The following LHFPL6 variants were observed in gnomAD, a reference collection of about 807,000 sequenced individuals.
The protein encoded by LHFPL6 is LHFPL tetraspan subfamily member 6.
Under a neutral mutation model 20.6 loss-of-function variants are expected in LHFPL6, and 9 were observed. The ratio of observed to expected loss-of-function variants is 0.44; its 90% CI spans 0.26 to 0.76. The LOEUF (loss-of-function observed/expected upper bound fraction) is 0.76, where lower values mean the gene tolerates loss of function less well. Ranked by LOEUF, LHFPL6 falls within the 30% of genes least tolerant of loss-of-function variation. The pLI, the probability that LHFPL6 is intolerant of heterozygous loss-of-function variation, is 0.20. For missense variants in LHFPL6, 218 were observed against 253.5 expected (o/e 0.86, Z 0.95); for synonymous variants, 105 against 98.7 (o/e 1.06, Z -0.38).
chr13:39,601,251 AG>A lies in LHFPL6; in HGVS notation c.-36del, dbSNP rs1872937517. ...GATAGGGCAATGAGGACCCCAAGTA[AG>A]TGTTCAGGGACTGCAGGAGTGAATG... is the stretch of plus-strand genomic sequence containing the variant. On this transcript the variant is annotated 5_prime_UTR_variant, in exon 2 of 4. An upstream open reading frame in the 5' UTR gains an earlier in-frame stop. Coordinates refer to ENST00000379589, the MANE Select transcript of LHFPL6 (RefSeq NM_005780.3). The A allele has an allele frequency of 1.3e-6, 2 of 1,575,008 alleles. No homozygotes were observed. Among genetic ancestry groups the A allele is most frequent in the African/African-American group, 1.3e-5 (1 of 74,124 alleles).
chr13:39,403,742 G>A (rs1392554501), intron 2 of LHFPL6, among the ~76,000 whole-genome samples: 3 of 152,186 alleles, frequency 2.0e-5, no homozygotes, highest in African/African-American at 7.2e-5. Context: ...TTCATTAGGT[G>A]ATGTTTAAGA....
chr13:39,501,881 T>C (rs564109915), intron 2 of LHFPL6, among the ~76,000 whole-genome samples: 1 of 152,300 alleles, frequency 6.6e-6, no homozygotes, highest in African/African-American at 2.4e-5. Flanking sequence ...TTAACATTTT[T>C]TCCATGCTTC....
At chr13:39,592,094 C>G (rs572238289) in intron 2 of LHFPL6, among the ~76,000 whole-genome samples, 1 of 148,382 alleles carries the variant, frequency 6.7e-6, no homozygotes, top group African/African-American at 2.5e-5. Context: ...AAAACTCCGT[C>G]TCAAAAAAAA....
chr13:39,355,424 C>T (rs1303265333), intron 3 of LHFPL6, among the ~76,000 whole-genome samples: 3 of 152,034 alleles, frequency 2.0e-5, no homozygotes, highest in African/African-American at 7.2e-5. Context: ...TACCTGATAC[C>T]ACAAAAACAC....
intron 3 of LHFPL6, among the ~76,000 whole-genome samples, chr13:39,369,321 T>C (rs1211017938): frequency 6.6e-6 from 1 of 152,086 alleles, no homozygotes; most frequent in Non-Finnish European, 1.5e-5. Flanking sequence ...TGATCCACAC[T>C]GAAATAACCA....
chr13:39,400,234 C>A (rs1481371815), intron 2 of LHFPL6, among the ~76,000 whole-genome samples: 1 of 152,174 alleles, frequency 6.6e-6, no homozygotes, highest in South Asian at 2.1e-4. Flanking sequence ...ACCTTCACTG[C>A]AAATTGGTAT....
intron 2 of LHFPL6, among the ~76,000 whole-genome samples, chr13:39,559,433 A>C (rs1871403824): frequency 6.6e-6 from 1 of 152,216 alleles, no homozygotes; most frequent in Non-Finnish European, 1.5e-5. Flanking sequence ...TAATATCCAA[A>C]GTAGGGCACA....
At chr13:39,390,717 G>A (rs760628318) in intron 2 of LHFPL6, among the ~76,000 whole-genome samples, 13 of 152,060 alleles carry the variant, frequency 8.5e-5, no homozygotes, top group East Asian at 1.9e-4. Flanking sequence ...ATCCAAGGCC[G>A]GGTGCAGAGG....
intron 2 of LHFPL6, among the ~76,000 whole-genome samples, chr13:39,502,416 C>T (rs537033976): frequency 2.6e-5 from 4 of 151,002 alleles, no homozygotes; most frequent in Non-Finnish European, 2.9e-5. Context: ...CCCAGGAGTT[C>T]GAGACCAGCC....
intron 2 of LHFPL6, among the ~76,000 whole-genome samples, chr13:39,599,075 C>T (rs1872852263): frequency 6.6e-6 from 1 of 152,086 alleles, no homozygotes; most frequent in Non-Finnish European, 1.5e-5. Flanking sequence ...CCATAAATCT[C>T]ATGGGTCTCA....
At chr13:39,501,747 G>A (rs1182772534) in intron 2 of LHFPL6, among the ~76,000 whole-genome samples, 1 of 152,154 alleles carries the variant, frequency 6.6e-6, no homozygotes, top group Non-Finnish European at 1.5e-5. Context: ...TGCTCTTAGT[G>A]TGGTCATGGA....
chr13:39,527,073 T>C (rs1026206913), intron 2 of LHFPL6, among the ~76,000 whole-genome samples: 2 of 152,228 alleles, frequency 1.3e-5, no homozygotes, highest in Admixed American at 6.5e-5. Context: ...ACTCCGTCTC[T>C]GTAAGTGCTG....
At chr13:39,450,594 T>G (rs1270507905) in intron 2 of LHFPL6, among the ~76,000 whole-genome samples, 15 of 152,152 alleles carry the variant, frequency 9.9e-5, no homozygotes. Context: ...TTCTAAGAAC[T>G]TCAAGCTGAT....
intron 2 of LHFPL6, among the ~76,000 whole-genome samples, chr13:39,399,112 T>A (rs1870917257): frequency 6.6e-6 from 1 of 152,190 alleles, no homozygotes; most frequent in Non-Finnish European, 1.5e-5. Flanking sequence ...GTTTTAAAAA[T>A]CCTATGGTTA....
chr13:39,547,649 C>A (rs1229299071), intron 2 of LHFPL6, among the ~76,000 whole-genome samples: 1 of 152,132 alleles, frequency 6.6e-6, no homozygotes, highest in Non-Finnish European at 1.5e-5. Context: ...TTCTGTGCTG[C>A]ATGCTGCTAA....
intron 2 of LHFPL6, among the ~76,000 whole-genome samples, chr13:39,591,499 A>G (rs1277999100): frequency 6.6e-6 from 1 of 152,226 alleles, no homozygotes. Flanking sequence ...TCTGCAGCTC[A>G]AATCACATCA....
chr13:39,374,630 G>A (rs1408176), intron 3 of LHFPL6, among the ~76,000 whole-genome samples: 101 of 152,136 alleles, frequency 6.6e-4, no homozygotes, highest in African/African-American at 2.2e-3. Context: ...CTCACAAAGC[G>A]GAAGATATTA....
intron 2 of LHFPL6, among the ~76,000 whole-genome samples, chr13:39,453,961 C>T (rs1341000315): frequency 1.3e-5 from 2 of 152,144 alleles, no homozygotes; most frequent in East Asian, 1.9e-4. Context: ...TGAGTGTATA[C>T]GTGGACTTCC....
intron 2 of LHFPL6, among the ~76,000 whole-genome samples, chr13:39,516,786 T>C (rs1240980077): frequency 1.3e-5 from 2 of 150,964 alleles, no homozygotes; most frequent in Non-Finnish European, 1.5e-5. Context: ...TTTACTCTGA[T>C]GAGCTTTCCT....
Sources: allele counts gnomAD v4.1 joint callset (sites outside exome capture counted in the v4.1 genomes callset), GRCh38; gene constraint gnomAD v4.1.1; transcripts MANE v1.5; gene names NCBI Gene and HGNC (gene_info 2026-07-23, HGNC 2026-07-21).